The following OTUD7B variants were observed in gnomAD, a reference collection of about 807,000 sequenced individuals.
The protein encoded by OTUD7B is OTU deubiquitinase 7B.
OTUD7B carries 34 observed loss-of-function variants against 82.2 expected under a neutral mutation model. The observed-to-expected ratio is 0.41, with a 90% confidence interval of 0.31 to 0.55. OTUD7B has a LOEUF of 0.55. Among genes scored for constraint, OTUD7B ranks in the 20% least tolerant of loss-of-function variants. The pLI, the probability that OTUD7B is intolerant of heterozygous loss-of-function variation, is 0.20. For missense variants in OTUD7B, 944 were observed against 1,062.1 expected (o/e 0.89, Z 1.55); for synonymous variants, 398 against 402.7 (o/e 0.99, Z 0.14).
chr1:149,982,615 C>T (rs1263576755), intron 1 of OTUD7B, among the ~76,000 whole-genome samples: 1 of 151,874 alleles, frequency 6.6e-6, no homozygotes, highest in Non-Finnish European at 1.5e-5. Flanking sequence ...ACTTAAATAA[C>T]TTTAAATCCT....
chr1:150,015,290 C>CCTTTT (rs1653232277), upstream of OTUD7B, among the ~76,000 whole-genome samples: 1 of 128,974 alleles, frequency 7.8e-6, no homozygotes, highest in Non-Finnish European at 1.5e-5. Flanking sequence ...TTTTCTTTCT[C>CCTTTT]TTTTTTTTTT....
intron 3 of OTUD7B, among the ~76,000 whole-genome samples, chr1:149,970,808 G>A (rs1240540096): frequency 6.6e-6 from 1 of 152,086 alleles, no homozygotes; most frequent in African/African-American, 2.4e-5. Flanking sequence ...TATCAACAAG[G>A]AGATTGTTAT....
the OTUD7B span, among the ~76,000 whole-genome samples, chr1:150,056,725 C>T: frequency 6.6e-6 from 1 of 152,026 alleles, no homozygotes; most frequent in Admixed American, 6.6e-5. Flanking sequence ...TCTTAAATAT[C>T]CATGAGTCTA....
intron 3 of OTUD7B, among the ~76,000 whole-genome samples, chr1:149,969,017 T>C (rs1200527256): frequency 6.6e-6 from 1 of 151,968 alleles, no homozygotes; most frequent in Non-Finnish European, 1.5e-5. Context: ...ACACCCACCT[T>C]AAAAATATTT....
chr1:149,957,055 C>G (rs1648740095), intron 7 of OTUD7B, among the ~76,000 whole-genome samples: 1 of 152,224 alleles, frequency 6.6e-6, no homozygotes, highest in East Asian at 1.9e-4. Flanking sequence ...AAGTCATTCT[C>G]CGTCCAGCTT....
chr1:150,049,779 G>A, the OTUD7B span, among the ~76,000 whole-genome samples: 2 of 152,080 alleles, frequency 1.3e-5, no homozygotes, highest in East Asian at 3.9e-4. Context: ...ATAGAGATGG[G>A]TTTTACCATG....
Position 149,979,830 on chromosome 1 carries a change from CT to C in OTUD7B, c.-66-2255del, listed in dbSNP as rs1337693231. On this transcript the variant is annotated intron_variant, in intron 1 of 11. Coordinates refer to ENST00000581312, the MANE Select transcript of OTUD7B (RefSeq NM_020205.4). Reference sequence around the variant, plus strand: ...TCTCCAAACCCATTTTAGCCACAGCCTTAGGTCAGAGGAAGTGGTAGCAGCT... The same window carrying C: ...TCTCCAAACCCATTTTAGCCACAGCCTAGGTCAGAGGAAGTGGTAGCAGCT... Among the ~76,000 whole-genome samples the C allele has an allele frequency of 2.6e-5, 4 of 152,122 alleles. No homozygotes were observed. The East Asian group carries it at 7.7e-4, about 29-fold the overall frequency.
chr1:149,965,944 G>T, intron 4 of OTUD7B, 66 bp from the exon 5 acceptor site: 1 of 1,350,570 alleles, frequency 7.4e-7, no homozygotes, highest in Non-Finnish European at 1.1e-6. Context: ...TCCTATTTCT[G>T]AAACAGACTC....
At chr1:150,012,738 G>A (rs1424141775), upstream of OTUD7B, among the ~76,000 whole-genome samples, 5 of 152,300 alleles carry the variant, frequency 3.3e-5, no homozygotes, top group African/African-American at 9.6e-5. Context: ...GGAAATTTAG[G>A]GGCCAGGAAG....
intron 1 of OTUD7B, among the ~76,000 whole-genome samples, chr1:149,993,728 A>T (rs1252934802): frequency 1.3e-5 from 2 of 152,222 alleles, no homozygotes; most frequent in Non-Finnish European, 2.9e-5. Flanking sequence ...TGGGAAAACA[A>T]GCAGATACTG....
At chr1:150,024,719 C>T in the OTUD7B span, among the ~76,000 whole-genome samples, 2 of 152,336 alleles carry the variant, frequency 1.3e-5, no homozygotes, top group South Asian at 2.1e-4. Context: ...CTCTCAACAA[C>T]GCTTTCTTTA....
chr1:149,992,873 G>A (rs782414494), intron 1 of OTUD7B, among the ~76,000 whole-genome samples: 3 of 151,920 alleles, frequency 2.0e-5, no homozygotes, highest in Non-Finnish European at 2.9e-5. Flanking sequence ...AGTGTTGGCC[G>A]GGCATGGTGG....
At chr1:149,976,444 T>C (rs1422579805) in intron 2 of OTUD7B, among the ~76,000 whole-genome samples, 2 of 150,942 alleles carry the variant, frequency 1.3e-5, no homozygotes, top group Non-Finnish European at 3.0e-5. Context: ...AAACCCCATC[T>C]CTACTAAAAA....
intron 1 of OTUD7B, among the ~76,000 whole-genome samples, chr1:149,979,486 C>A (rs1224524936): frequency 1.3e-5 from 2 of 152,098 alleles, no homozygotes; most frequent in Admixed American, 6.6e-5. Flanking sequence ...AAGATACTTT[C>A]AAGGTTTAAA....
intron 1 of OTUD7B, among the ~76,000 whole-genome samples, chr1:149,998,082 T>C (rs1652033394): frequency 6.6e-6 from 1 of 152,148 alleles, no homozygotes; most frequent in Non-Finnish European, 1.5e-5. Flanking sequence ...CTTATTGCTA[T>C]TACCCAGACT....
intron 1 of OTUD7B, among the ~76,000 whole-genome samples, chr1:149,988,604 TG>T (rs1651353703): frequency 6.6e-6 from 1 of 152,122 alleles, no homozygotes; most frequent in Non-Finnish European, 1.5e-5. Context: ...TTTGGGAAAA[TG>T]GGGGCAGGGA....
At chr1:150,057,061 GATAAGAT>G in the OTUD7B span, among the ~76,000 whole-genome samples, 1 of 152,142 alleles carries the variant, frequency 6.6e-6, no homozygotes, top group Non-Finnish European at 1.5e-5. Context: ...TATCACCAAT[GATAAGAT>G]ATATCAACAT....
chr1:150,040,059 T>A, the OTUD7B span, among the ~76,000 whole-genome samples: 3 of 152,236 alleles, frequency 2.0e-5, no homozygotes, highest in Non-Finnish European at 2.9e-5. Context: ...GTGTTATTCA[T>A]GAAAAGCCTT....
intron 2 of OTUD7B, among the ~76,000 whole-genome samples, chr1:149,975,012 T>C (rs1354550258): frequency 1.3e-5 from 2 of 152,164 alleles, no homozygotes; most frequent in Admixed American, 6.5e-5. Flanking sequence ...CCCTATTTTC[T>C]GCTTCCTGCC....
Sources: allele counts gnomAD v4.1 joint callset (sites outside exome capture counted in the v4.1 genomes callset), GRCh38; gene constraint gnomAD v4.1.1; transcripts MANE v1.5; gene names NCBI Gene and HGNC (gene_info 2026-07-23, HGNC 2026-07-21).